Variants in SMYD3 observed in about 807,000 individuals in gnomAD.
The protein encoded by SMYD3 is histone-lysine N-methyltransferase SMYD3.
A neutral mutation model predicts 57.7 loss-of-function variants in SMYD3; 36 were observed. That is an observed-to-expected ratio of 0.62 (90% confidence interval 0.48 to 0.82). The LOEUF is 0.82. SMYD3 is among the 40% of genes least tolerant of loss of function. The pLI, the probability that SMYD3 is intolerant of heterozygous loss-of-function variation, is 0.00. For synonymous variants in SMYD3, 211 were observed against 195.0 expected (o/e 1.08, Z -0.68); for missense variants, 515 against 538.8 (o/e 0.96, Z 0.44).
At chr1:245,761,383 A>G (rs990866049) in intron 11 of SMYD3, among the ~76,000 whole-genome samples, 3 of 152,172 alleles carry the variant, frequency 2.0e-5, no homozygotes, top group Non-Finnish European at 4.4e-5. Context: ...AAGGGCAGTA[A>G]GAGGGTCATC....
At chr1:245,868,553 A>T (rs2052005838) in intron 8 of SMYD3, among the ~76,000 whole-genome samples, 1 of 152,126 alleles carries the variant, frequency 6.6e-6, no homozygotes, top group Non-Finnish European at 1.5e-5. Flanking sequence ...TCACAACTAA[A>T]TTTGCCACCA....
At chr1:245,894,458 C>G (rs555518552) in intron 8 of SMYD3, among the ~76,000 whole-genome samples, 1 of 152,198 alleles carries the variant, frequency 6.6e-6, no homozygotes, top group South Asian at 2.1e-4. Context: ...TTTTTTCACT[C>G]TTCACAATAC....
intron 5 of SMYD3, among the ~76,000 whole-genome samples, chr1:245,991,380 G>T (rs961125472): frequency 6.6e-6 from 1 of 152,214 alleles, no homozygotes; most frequent in Non-Finnish European, 1.5e-5. Context: ...ACTAAGCCAC[G>T]TGCATTTGTT....
intron 10 of SMYD3, among the ~76,000 whole-genome samples, chr1:245,765,308 G>A (rs966328944): frequency 6.6e-6 from 1 of 151,138 alleles, no homozygotes; most frequent in African/African-American, 2.4e-5. Flanking sequence ...GAGGTGGGAG[G>A]ATCACTTGAG....
chr1:245,867,798 A>G (rs181062802), intron 8 of SMYD3, among the ~76,000 whole-genome samples: 1 of 152,330 alleles, frequency 6.6e-6, no homozygotes, highest in Non-Finnish European at 1.5e-5. Context: ...CCAAAGTGAT[A>G]TTTGAGTAAA....
At chr1:246,207,376 T>A (rs937329580) in intron 5 of SMYD3, among the ~76,000 whole-genome samples, 1 of 152,152 alleles carries the variant, frequency 6.6e-6, no homozygotes, top group African/African-American at 2.4e-5. Flanking sequence ...CAGTGGCCCA[T>A]GTTAGTAGGT....
intron 5 of SMYD3, among the ~76,000 whole-genome samples, chr1:246,046,285 C>T (rs1030152117): frequency 1.3e-5 from 2 of 152,134 alleles, no homozygotes; most frequent in African/African-American, 4.8e-5. Flanking sequence ...CCATGGAATA[C>T]TATGCAGCCA....
intron 10 of SMYD3, among the ~76,000 whole-genome samples, chr1:245,816,898 C>CA (rs200000472): frequency 2.0e-5 from 3 of 151,342 alleles, no homozygotes; most frequent in Non-Finnish European, 4.4e-5. Flanking sequence ...GAGGGTCCTA[C>CA]CCGACGGAGT....
intron 5 of SMYD3, among the ~76,000 whole-genome samples, chr1:246,313,532 G>A (rs557596940): frequency 9.9e-5 from 15 of 152,148 alleles, no homozygotes; most frequent in Admixed American, 3.9e-4. Context: ...AAACAGCTCT[G>A]CATAAACAGT....
chr1:246,432,619 G>A (rs1435322060), intron 1 of SMYD3, among the ~76,000 whole-genome samples: 1 of 152,150 alleles, frequency 6.6e-6, no homozygotes, highest in Non-Finnish European at 1.5e-5. Flanking sequence ...TATACTGGAA[G>A]ACTTCTCTGT....
intron 8 of SMYD3, among the ~76,000 whole-genome samples, chr1:245,911,314 C>A (rs751038281): frequency 7.9e-5 from 12 of 151,952 alleles, no homozygotes; most frequent in Non-Finnish European, 1.6e-4. Flanking sequence ...GGAGGTTCCT[C>A]AAGAAACTAC....
chr1:246,464,945 T>C (rs1312764823), intron 1 of SMYD3, among the ~76,000 whole-genome samples: 1 of 152,236 alleles, frequency 6.6e-6, no homozygotes, highest in African/African-American at 2.4e-5. Context: ...TCATTTAATA[T>C]ATCTTCTTGC....
chr1:245,803,592 A>C (rs1361070468), intron 10 of SMYD3, among the ~76,000 whole-genome samples: 1 of 152,224 alleles, frequency 6.6e-6, no homozygotes, highest in Non-Finnish European at 1.5e-5. Flanking sequence ...TGCAAACCCC[A>C]GCCACGTGGA....
chr1:246,421,149 A>C (rs2067137473), intron 1 of SMYD3, among the ~76,000 whole-genome samples: 1 of 152,234 alleles, frequency 6.6e-6, no homozygotes, highest in South Asian at 2.1e-4. Context: ...TCTCATATTG[A>C]TGAAACAACA....
chr1:245,824,455 G>A (rs1299379510), intron 10 of SMYD3, among the ~76,000 whole-genome samples: 2 of 152,214 alleles, frequency 1.3e-5, no homozygotes, highest in African/African-American at 4.8e-5. Flanking sequence ...AGTGGCTCAC[G>A]CCTGTAATCC....
chr1:246,447,275 C>G (rs2067562869), intron 1 of SMYD3, among the ~76,000 whole-genome samples: 1 of 152,120 alleles, frequency 6.6e-6, no homozygotes, highest in African/African-American at 2.4e-5. Flanking sequence ...TAGAGTGTAT[C>G]ACTTTACATT....
chr1:245,915,708 T>C, intron 7 of SMYD3, 68 bp from the exon 8 acceptor site: 3 of 1,002,788 alleles, frequency 3.0e-6, no homozygotes, highest in Non-Finnish European at 4.5e-6. Flanking sequence ...AAATGGTTAT[T>C]ATTATTGCTA....
At chr1:246,142,543 C>A (rs1270574373) in intron 5 of SMYD3, among the ~76,000 whole-genome samples, 1 of 152,162 alleles carries the variant, frequency 6.6e-6, no homozygotes, top group Non-Finnish European at 1.5e-5. Context: ...CTGAGGGTGA[C>A]TGCTAGGTGA....
intron 8 of SMYD3, among the ~76,000 whole-genome samples, chr1:245,872,747 C>T (rs2052278880): frequency 6.6e-6 from 1 of 152,206 alleles, no homozygotes; most frequent in Non-Finnish European, 1.5e-5. Context: ...CCTGCAACTA[C>T]AAATTTCCAC....
Sources: allele counts gnomAD v4.1 joint callset (sites outside exome capture counted in the v4.1 genomes callset), GRCh38; gene constraint gnomAD v4.1.1; transcripts MANE v1.5; gene names NCBI Gene and HGNC (gene_info 2026-07-23, HGNC 2026-07-21).